RNLS: variants seen among roughly 807,000 people sequenced by gnomAD.
The protein encoded by RNLS is renalase, FAD dependent amine oxidase, also known as renalase.
A neutral mutation model predicts 39.8 loss-of-function variants in RNLS; 39 were observed. The observed-to-expected ratio is 0.98, with a 90% CI of 0.76 to 1.28. The LOEUF is 1.28. Among genes scored for constraint, RNLS ranks in the 50% most tolerant of loss-of-function variants. The pLI is 0.00. For missense variants in RNLS, 410 were observed against 413.3 expected (o/e 0.99, Z 0.07); for synonymous variants, 147 against 150.7 (o/e 0.98, Z 0.18).
At chr10:88,200,643 A>G in the RNLS span, among the ~76,000 whole-genome samples, 1 of 152,206 alleles carries the variant, frequency 6.6e-6, no homozygotes, top group Admixed American at 6.5e-5. Context: ...CCAGCATTTA[A>G]TTCCTATTGA....
At chr10:88,339,360 T>A (rs1204167381) in intron 5 of RNLS, among the ~76,000 whole-genome samples, 1 of 152,206 alleles carries the variant, frequency 6.6e-6, no homozygotes, top group Non-Finnish European at 1.5e-5. Flanking sequence ...TCAATTTCAA[T>A]GTGTTGCAGA....
intron 4 of RNLS, among the ~76,000 whole-genome samples, chr10:88,509,364 G>A (rs889011089): frequency 4.6e-5 from 7 of 151,768 alleles, no homozygotes; most frequent in African/African-American, 1.7e-4. Flanking sequence ...TTCACAATAC[G>A]TAGCATAGTG....
intron 4 of RNLS, among the ~76,000 whole-genome samples, chr10:88,561,630 T>C (rs1320522304): frequency 6.6e-6 from 1 of 152,028 alleles, no homozygotes; most frequent in Non-Finnish European, 1.5e-5. Context: ...TTATATGACT[T>C]TAGAGTGAGG....
chr10:88,514,437 T>C (rs1481539777), intron 4 of RNLS, among the ~76,000 whole-genome samples: 1 of 152,014 alleles, frequency 6.6e-6, no homozygotes, highest in South Asian at 2.1e-4. Flanking sequence ...CCAAACAATA[T>C]CACCTCTTAA....
At chr10:88,338,889 G>A (rs1007117127) in intron 5 of RNLS, among the ~76,000 whole-genome samples, 3 of 151,754 alleles carry the variant, frequency 2.0e-5, no homozygotes, top group Non-Finnish European at 4.4e-5. Context: ...AGCCTCCTGA[G>A]TAGCTGGGAC....
At chr10:88,501,429 C>T (rs1034342694) in intron 4 of RNLS, among the ~76,000 whole-genome samples, 1 of 152,128 alleles carries the variant, frequency 6.6e-6, no homozygotes, top group Non-Finnish European at 1.5e-5. Flanking sequence ...GAGTAGTATA[C>T]AATCTTATTC....
chr10:88,280,454 C>T (rs956137381), downstream of RNLS, among the ~76,000 whole-genome samples: 11 of 152,218 alleles, frequency 7.2e-5, no homozygotes, highest in East Asian at 7.7e-4. Context: ...ATCATATTTA[C>T]GTAAAGTGAT....
At chr10:88,267,481 C>A in the RNLS span, among the ~76,000 whole-genome samples, 1 of 152,106 alleles carries the variant, frequency 6.6e-6, no homozygotes. Flanking sequence ...GAGGCTGAGG[C>A]AAGAGGATTG....
At chr10:88,241,643 A>C in the RNLS span, among the ~76,000 whole-genome samples, 1 of 152,154 alleles carries the variant, frequency 6.6e-6, no homozygotes, top group African/African-American at 2.4e-5. Flanking sequence ...CCACAAGAGT[A>C]ATTTTTTGGA....
the RNLS span, among the ~76,000 whole-genome samples, chr10:88,197,140 A>G: frequency 6.6e-6 from 1 of 152,186 alleles, no homozygotes; most frequent in South Asian, 2.1e-4. Context: ...TAGCTATGTA[A>G]CTTTGGCAAG....
intron 4 of RNLS, among the ~76,000 whole-genome samples, chr10:88,383,960 A>T (rs751394727): frequency 2.0e-5 from 3 of 152,154 alleles, no homozygotes; most frequent in Admixed American, 6.5e-5. Context: ...TCACTCTCCC[A>T]CAATAAAAGA....
At chr10:88,243,471 C>T in the RNLS span, among the ~76,000 whole-genome samples, 1 of 152,220 alleles carries the variant, frequency 6.6e-6, no homozygotes, top group Non-Finnish European at 1.5e-5. Flanking sequence ...ATCAATGGGA[C>T]ATTTTTTTGT....
chr10:88,383,839 A>AAGAC (rs1435496409), intron 4 of RNLS, among the ~76,000 whole-genome samples: 1 of 152,162 alleles, frequency 6.6e-6, no homozygotes, highest in Non-Finnish European at 1.5e-5. Flanking sequence ...GATATTTTCA[A>AAGAC]AGACAAAATA....
At chr10:88,199,328 C>G in the RNLS span, among the ~76,000 whole-genome samples, 1 of 152,132 alleles carries the variant, frequency 6.6e-6, no homozygotes, top group African/African-American at 2.4e-5. Flanking sequence ...CTGTGTAACT[C>G]TACATCAGAT....
intron 6 of RNLS, among the ~76,000 whole-genome samples, chr10:88,302,788 T>A (rs139190834): frequency 6.6e-6 from 1 of 152,208 alleles, no homozygotes; most frequent in Non-Finnish European, 1.5e-5. Flanking sequence ...AAGTTTGGTA[T>A]ATACATGATA....
intron 4 of RNLS, among the ~76,000 whole-genome samples, chr10:88,471,953 A>G (rs1004771292): frequency 3.9e-5 from 6 of 152,148 alleles, no homozygotes; most frequent in African/African-American, 7.2e-5. Flanking sequence ...CTAAAAGAAA[A>G]AAAAAAGTCT....
chr10:88,449,006 C>A (rs531586238), intron 4 of RNLS, among the ~76,000 whole-genome samples: 3 of 151,852 alleles, frequency 2.0e-5, no homozygotes, highest in Non-Finnish European at 2.9e-5. Flanking sequence ...TTGTGCAGTG[C>A]GGGGAGGGAG....
exon 7 of RNLS, chr10:88,273,876 A>G (rs6586124): frequency 1.5e-3 from 229 of 152,322 alleles, no homozygotes; most frequent in African/African-American, 5.2e-3. Flanking sequence ...GTTTCATTAT[A>G]GTTTTTAATT....
intron 4 of RNLS, among the ~76,000 whole-genome samples, chr10:88,524,186 C>A (rs1846937241): frequency 6.6e-6 from 1 of 152,052 alleles, no homozygotes; most frequent in Non-Finnish European, 1.5e-5. Flanking sequence ...GGCAGTGCCC[C>A]CTGATGGCTT....
Sources: gnomAD v4.1 joint callset for allele counts (sites outside exome capture counted in the v4.1 genomes callset) on GRCh38, gnomAD v4.1.1 for gene constraint, MANE v1.5 for transcripts, NCBI Gene and HGNC (gene_info 2026-07-23, HGNC 2026-07-21) for gene names.